The following CFAP54 variants were observed in gnomAD, a reference collection of about 807,000 sequenced individuals.
CFAP54 encodes the protein cilia- and flagella-associated protein 54.
In CFAP54, 290 loss-of-function variants were observed where a neutral mutation model predicts 370.4. The observed-to-expected ratio is 0.78, with a 90% CI of 0.71 to 0.86. The LOEUF is 0.86. Among genes scored for constraint, CFAP54 ranks in the 40% least tolerant of loss-of-function variants. The probability of loss-of-function intolerance (pLI) is 0.00; values close to 1 mark genes in which losing one functional copy is unlikely to be tolerated. For missense variants in CFAP54, 3,399 were observed against 3,528.7 expected (o/e 0.96, Z 0.93); for synonymous variants, 1,206 against 1,236.5 (o/e 0.98, Z 0.52).
intron 66 of CFAP54, among the ~76,000 whole-genome samples, chr12:96,838,302 A>G (rs1256344441): frequency 7.0e-6 from 1 of 143,188 alleles, no homozygotes; most frequent in Non-Finnish European, 1.5e-5. Flanking sequence ...GAGAAGTTAG[A>G]AAAAAAAAAA....
chr12:96,704,824 G>T, intron 47 of CFAP54, 28 bp downstream of exon 47: 2 of 908,406 alleles, frequency 2.2e-6, no homozygotes, highest in South Asian at 3.4e-5. Context: ...TTATAAACAT[G>T]GTTTTCCTAA....
intron 30 of CFAP54, among the ~76,000 whole-genome samples, chr12:96,629,123 T>C (rs953772649): frequency 6.6e-6 from 1 of 152,094 alleles, no homozygotes; most frequent in Non-Finnish European, 1.5e-5. Context: ...AGGGTTACTT[T>C]TACAGTATTC....
chr12:96,621,001 G>C (rs1358466648), intron 26 of CFAP54, among the ~76,000 whole-genome samples: 2 of 152,202 alleles, frequency 1.3e-5, no homozygotes, highest in Non-Finnish European at 2.9e-5. Context: ...TAAGGCCAAA[G>C]AACTGGTATT....
chr12:96,831,669 T>C (rs1348120424), intron 66 of CFAP54, among the ~76,000 whole-genome samples: 3 of 152,138 alleles, frequency 2.0e-5, no homozygotes, highest in African/African-American at 7.2e-5. Context: ...TGAAATATTA[T>C]ACTGTATTTT....
chr12:96,804,827 A>T (rs536039967), intron 63 of CFAP54, among the ~76,000 whole-genome samples: 2 of 152,306 alleles, frequency 1.3e-5, no homozygotes, highest in South Asian at 4.1e-4. Flanking sequence ...GCATCACATT[A>T]CCTCACTTCA....
rs139006527 is a variant in CFAP54, at chr12:96,826,014, G to T, written c.9097-3000G>T. 9.5e-3 allele frequency among the ~76,000 whole-genome samples: 1,329 copies of T among 140,438 alleles called. 46 individuals are homozygous for T. In the East Asian group the frequency reaches 0.1, roughly 11 times the overall value. The allele number at this position is 140,438 out of a possible 152,430, so 92.1% of individuals were successfully genotyped here. A position where few individuals can be genotyped will look rare whatever the true frequency, so the allele number is the denominator to read the frequency against. ...TAATAAATAACAATATATTAATATAGAAATTAATAATAGATATTAATATAT... is the reference window on the plus strand; with the variant it reads ...TAATAAATAACAATATATTAATATATAAATTAATAATAGATATTAATATAT... On this transcript the variant is annotated intron_variant, in intron 65 of 67. Coordinates refer to ENST00000524981, the MANE Select transcript of CFAP54 (RefSeq NM_001306084.2).
rs1024974531 is a variant in CFAP54, at chr12:96,829,692, G to A, written c.9171+604G>A. On this transcript the variant is annotated intron_variant, in intron 66 of 67. Transcript: ENST00000524981. Reference sequence around the variant, plus strand: ...TTGGATTTGGAGTAAAAAAGTATACGTACATTTTTATTATAAAATATATAT... The same window carrying A: ...TTGGATTTGGAGTAAAAAAGTATACATACATTTTTATTATAAAATATATAT... Among the ~76,000 whole-genome samples the A allele has an allele frequency of 4.6e-5, 7 of 151,382 alleles. 1 individual carries two copies. Among genetic ancestry groups the A allele is most frequent in the Admixed American group, 6.6e-5 (1 of 15,172 alleles).
intron 9 of CFAP54, among the ~76,000 whole-genome samples, chr12:96,528,002 T>C (rs1955402500): frequency 6.6e-6 from 1 of 152,220 alleles, no homozygotes; most frequent in Admixed American, 6.5e-5. Flanking sequence ...TTCTGTCCAA[T>C]CCTTAATCTT....
At chr12:96,854,219 A>G (rs1002689919) in intron 66 of CFAP54, among the ~76,000 whole-genome samples, 2 of 152,174 alleles carry the variant, frequency 1.3e-5, no homozygotes, top group Non-Finnish European at 2.9e-5. Context: ...AAGAGATACA[A>G]CCATAATAAT....
intron 63 of CFAP54, among the ~76,000 whole-genome samples, chr12:96,808,191 T>C (rs1441160136): frequency 6.6e-6 from 1 of 152,162 alleles, no homozygotes; most frequent in Non-Finnish European, 1.5e-5. Context: ...GTCAAACTCA[T>C]CAGCATATCT....
intron 51 of CFAP54, 41 bp downstream of exon 51, chr12:96,740,102 A>G: frequency 3.7e-6 from 4 of 1,087,504 alleles, no homozygotes; most frequent in Non-Finnish European, 5.6e-6. Context: ...TACTTATCAT[A>G]TAAGAACTAT....
chr12:96,788,301 A>C (rs1301064322), intron 62 of CFAP54, among the ~76,000 whole-genome samples: 1 of 152,190 alleles, frequency 6.6e-6, no homozygotes, highest in Non-Finnish European at 1.5e-5. Flanking sequence ...GAGCATGAGC[A>C]CATTTTTCTG....
In CFAP54 at chr12:96,527,370, C is replaced by A. The variant is rs1439967744; in HGVS notation, c.1283C>A (p.Pro428His). Reference protein sequence around the residue: ...DSNRRILQTGPIVTDEVEIHD... With the variant: ...DSNRRILQTGHIVTDEVEIHD... ...AATAGGCGAATACTGCAAACTGGAC[C>A]CATTGTTACAGATGAAGTGGAGATT... The change falls in exon 9 of 68, where the codon CCC becomes CAC. Residue 428 changes from proline to histidine, a missense_variant. This residue lies in a region of CFAP54 where 559 missense variants were observed against 576.7 expected (regional missense o/e 0.97). Transcript: ENST00000524981. 1 of 1,534,560 alleles carries A rather than the reference C, an allele frequency of 6.5e-7. No homozygotes were observed. The highest frequency in any genetic ancestry group is 8.7e-7 in the Non-Finnish European group (1 of 1,146,140).
intron 63 of CFAP54, 126 bp from the exon 64 acceptor site, chr12:96,811,610 A>T: frequency 1.9e-6 from 1 of 530,080 alleles, no homozygotes; most frequent in South Asian, 3.2e-5. Flanking sequence ...TGAAAACCCA[A>T]TTTTTCTCTT....
intron 32 of CFAP54, among the ~76,000 whole-genome samples, chr12:96,630,939 T>C (rs1464520947): frequency 6.6e-6 from 1 of 152,026 alleles, no homozygotes; most frequent in Non-Finnish European, 1.5e-5. Context: ...GGAGAACAAA[T>C]TGGTAAATTA....
At chr12:96,769,820 A>T (rs187344018) in intron 60 of CFAP54, among the ~76,000 whole-genome samples, 223 of 152,292 alleles carry the variant, frequency 1.5e-3, no homozygotes, top group African/African-American at 5.1e-3. Flanking sequence ...ACCAAAGCAC[A>T]TCCATTACCT....
rs576530641 is a variant in CFAP54 at position 96,644,531 on chromosome 12, A to G, written c.4547+123A>G. 9.1e-5 allele frequency: 62 copies of G among 684,312 alleles called. 1 individual carries two copies. The highest frequency in any genetic ancestry group is 8.3e-4 in the South Asian group (43 of 51,984). The allele number at this position is 684,312 out of a possible 1,614,324, so 42.4% of individuals were successfully genotyped here. A position where few individuals can be genotyped will look rare whatever the true frequency, so the allele number is the denominator to read the frequency against. ...GTTTACAGAGTGCTTCTATCTTTAT[A>G]CTGGCTCTATTAGTCTGTTCTCACA... On this transcript the variant is annotated intron_variant, in intron 33 of 67. Coordinates refer to ENST00000524981, the MANE Select transcript of CFAP54 (RefSeq NM_001306084.2).
At chr12:96,533,598 G>C (rs12231941) in intron 9 of CFAP54, among the ~76,000 whole-genome samples, 194 bp from the exon 10 acceptor site, 39,806 of 151,926 alleles carry the variant, frequency 0.26, 5,565 homozygotes, top group South Asian at 0.38. Flanking sequence ...CATCTGTGTT[G>C]GATGCCCTTC....
intron 63 of CFAP54, among the ~76,000 whole-genome samples, chr12:96,795,070 CA>C (rs775859994): frequency 2.6e-5 from 4 of 152,130 alleles, no homozygotes; most frequent in African/African-American, 7.2e-5. Flanking sequence ...GGAGTGTCTG[CA>C]AAAAATCCTG....
Sources: allele counts gnomAD v4.1 joint callset (sites outside exome capture counted in the v4.1 genomes callset), GRCh38; gene constraint gnomAD v4.1.1; regional missense constraint gnomAD v4.1.1; transcripts MANE v1.5; gene names NCBI Gene and HGNC (gene_info 2026-07-23, HGNC 2026-07-21).